LRRFIP1: variants seen among roughly 807,000 people sequenced by gnomAD.
The protein encoded by LRRFIP1 is LRR binding FLII interacting protein 1.
In LRRFIP1, 62 loss-of-function variants were observed where a neutral mutation model predicts 104.4. That is an observed-to-expected ratio of 0.59 (90% CI 0.48 to 0.73). The LOEUF (loss-of-function observed/expected upper bound fraction) is 0.73, where lower values mean the gene tolerates loss of function less well. Among genes scored for constraint, LRRFIP1 ranks in the 30% least tolerant of loss-of-function variants. LRRFIP1 has a pLI of 0.00. For missense variants in LRRFIP1, 796 were observed against 824.5 expected, an observed-to-expected ratio of 0.97 and a Z score of 0.42; for synonymous variants, 300 against 299.0, an observed-to-expected ratio of 1.00 and a Z score of -0.03.
chr2:237,767,313 C>T (rs1287861014), intron 19 of LRRFIP1, among the ~76,000 whole-genome samples: 8 of 152,192 alleles, frequency 5.3e-5, no homozygotes, highest in Non-Finnish European at 1.5e-5. Context: ...AGGTTGCCTG[C>T]CAGCCATATC....
At position 237,759,942 on chromosome 2, in the gene LRRFIP1, G is replaced by T. The variant is rs985028473; in HGVS notation, c.1318-122G>T. ...AGTGCTGCACCCTAGCATTTCTCTT[G>T]TCTCTGTGGAGTTACCCTGTACTTC... On this transcript the variant is annotated intron_variant, in intron 18 of 23. Coordinates refer to ENST00000308482, the MANE Select transcript of LRRFIP1 (RefSeq NM_001137550.2). 5 of 811,122 alleles carry T rather than the reference G, an allele frequency of 6.2e-6. No homozygotes were observed. The African/African-American group carries it at 7.0e-5, about 11-fold the overall frequency. 50.2% of individuals were successfully genotyped at this position (811,122 alleles called of 1,614,324 possible).
intron 1 of LRRFIP1, among the ~76,000 whole-genome samples, chr2:237,638,319 C>T (rs1242770914): frequency 2.6e-5 from 4 of 152,148 alleles, no homozygotes; most frequent in Non-Finnish European, 5.9e-5. Flanking sequence ...GTTTCGCACT[C>T]TTAAGAGAAT....
intron 1 of LRRFIP1, among the ~76,000 whole-genome samples, chr2:237,659,537 A>C (rs1400201785): frequency 6.7e-6 from 1 of 150,088 alleles, no homozygotes; most frequent in East Asian, 1.9e-4. Context: ...AACAACAAGA[A>C]GAAATCAATT....
chr2:237,772,804 A>C, intron 21 of LRRFIP1, 62 bp from the exon 22 acceptor site: 1 of 1,115,810 alleles, frequency 9.0e-7, no homozygotes, highest in Non-Finnish European at 1.4e-6. Flanking sequence ...CCCAGTAACT[A>C]TTGTTTTAAT....
intron 10 of LRRFIP1, among the ~76,000 whole-genome samples, 178 bp from the exon 11 acceptor site, chr2:237,739,054 G>A (rs56045303): frequency 2.0e-4 from 30 of 152,300 alleles, no homozygotes; most frequent in Admixed American, 3.3e-4. Context: ...TATTCTTAGC[G>A]AGCACTGATT....
chr2:237,690,763 G>T (rs2092705483), intron 1 of LRRFIP1, among the ~76,000 whole-genome samples: 1 of 151,378 alleles, frequency 6.6e-6, no homozygotes, highest in Non-Finnish European at 1.5e-5. Context: ...AAGAAAGAAA[G>T]AATTGTTATA....
chr2:237,714,886 CA>C (rs2094263531), intron 3 of LRRFIP1, among the ~76,000 whole-genome samples: 1 of 152,166 alleles, frequency 6.6e-6, no homozygotes. Context: ...CAAGATCTAG[CA>C]AAAATGAAGT....
intron 1 of LRRFIP1, among the ~76,000 whole-genome samples, chr2:237,639,034 T>G (rs1340685868): frequency 6.6e-6 from 1 of 152,182 alleles, no homozygotes; most frequent in East Asian, 1.9e-4. Context: ...AATGCTATCG[T>G]GTGGGGCAGT....
intron 20 of LRRFIP1, 61 bp from the exon 21 acceptor site, chr2:237,772,020 C>T (rs200273576): frequency 4.1e-6 from 5 of 1,220,018 alleles, no homozygotes; most frequent in Non-Finnish European, 6.0e-6. Context: ...GCTCTAACTT[C>T]AGCTTTTCGG....
At chr2:237,644,506 A>G (rs769701799) in intron 1 of LRRFIP1, among the ~76,000 whole-genome samples, 3 of 152,218 alleles carry the variant, frequency 2.0e-5, no homozygotes, top group Non-Finnish European at 4.4e-5. Context: ...GAGGAGAGTT[A>G]CGCTGGTGTT....
At chr2:237,736,305 G>A (rs1326911483) in intron 10 of LRRFIP1, among the ~76,000 whole-genome samples, 2 of 152,150 alleles carry the variant, frequency 1.3e-5, no homozygotes, top group African/African-American at 4.8e-5. Flanking sequence ...TACATAAGTT[G>A]TTCAGTATTT....
Position 237,741,685 on chromosome 2 carries a change from G to A in LRRFIP1, c.633+2376G>A, listed in dbSNP as rs150124224. Reference sequence around the variant, plus strand: ...TCTACTAAAAATACAAAAATTAGCCGGGTGTAGTGGCGCATGCCTGTAATC... The same window carrying A: ...TCTACTAAAAATACAAAAATTAGCCAGGTGTAGTGGCGCATGCCTGTAATC... On this transcript the variant is annotated intron_variant, in intron 11 of 23. Transcript: ENST00000308482. 8.2e-3 allele frequency among the ~76,000 whole-genome samples: 1,246 copies of A among 152,058 alleles called. 23 individuals carry two copies. The highest frequency in any genetic ancestry group is 0.028 in the African/African-American group (1,173 of 41,478).
rs114432341 is a variant in LRRFIP1 at position 237,661,485 on chromosome 2, C to T, written c.96+33745C>T. Among the ~76,000 whole-genome samples, 2,429 of 152,290 alleles carry T rather than the reference C, an allele frequency of 0.016. 57 individuals are homozygous for T. The highest frequency in any genetic ancestry group is 0.056 in the African/African-American group (2,313 of 41,546). On this transcript the variant is annotated intron_variant, in intron 1 of 23. Coordinates refer to ENST00000308482, the MANE Select transcript of LRRFIP1 (RefSeq NM_001137550.2). The surrounding 1 kb of genome is among the most constrained non-coding windows in gnomAD (Gnocchi z 4.4). ...CCTCCCCAGACTCCCTCCTTCCTTCCAGATGTGAGCAAATCCCTTTCCTTC... is the reference window on the plus strand; with the variant it reads ...CCTCCCCAGACTCCCTCCTTCCTTCTAGATGTGAGCAAATCCCTTTCCTTC...
rs1487795341 is a variant in LRRFIP1 at position 237,749,202 on chromosome 2, T to C, written c.673T>C (p.Ser225Pro). 1 of 1,612,656 alleles carries C rather than the reference T, an allele frequency of 6.2e-7. No individual in the cohort carries two copies. Among genetic ancestry groups the C allele is most frequent in the Admixed American group, 1.7e-5 (1 of 59,916 alleles). The part of the protein sequence containing the change: ...RPEKDFTEKG[S>P]RNMPGLSAAT... The stretch of plus-strand genomic sequence containing the variant: ...TGTGATCCTCTCAACGTTCCAGGGG[T>C]CTCGTAACATGCCGGGCCTGTCTGC... Residue 225 changes from serine to proline, a missense_variant, in exon 13 of 24, where the codon TCT (serine) becomes CCT (proline). Ser to Pro is a moderately conservative substitution (Grantham distance 74, BLOSUM62 -1). Coordinates refer to ENST00000308482, the MANE Select transcript of LRRFIP1 (RefSeq NM_001137550.2).
intron 1 of LRRFIP1, among the ~76,000 whole-genome samples, chr2:237,650,665 C>A (rs1436605656): frequency 6.6e-6 from 1 of 152,200 alleles, no homozygotes; most frequent in Non-Finnish European, 1.5e-5. Flanking sequence ...GGCACAGTGA[C>A]CGCAGGAGAG....
At chr2:237,767,455 T>G (rs1402523223) in intron 19 of LRRFIP1, among the ~76,000 whole-genome samples, 1 of 152,196 alleles carries the variant, frequency 6.6e-6, no homozygotes, top group Non-Finnish European at 1.5e-5. Flanking sequence ...CGTATATAAA[T>G]GTAAATCTTC....
At chr2:237,756,539 A>G (rs926613812) in intron 16 of LRRFIP1, among the ~76,000 whole-genome samples, 1 of 152,224 alleles carries the variant, frequency 6.6e-6, no homozygotes, top group Non-Finnish European at 1.5e-5. Context: ...TAAAAACCCT[A>G]TCTCCAAATA....
intron 10 of LRRFIP1, among the ~76,000 whole-genome samples, chr2:237,737,113 G>A (rs192895394): frequency 3.9e-5 from 6 of 152,308 alleles, no homozygotes; most frequent in Admixed American, 2.6e-4. Flanking sequence ...TGCCCCTGGA[G>A]GACCAGGAAT....
chr2:237,736,977 G>A (rs2095269339), intron 10 of LRRFIP1, among the ~76,000 whole-genome samples: 2 of 152,082 alleles, frequency 1.3e-5, no homozygotes, highest in Non-Finnish European at 1.5e-5. Flanking sequence ...TATGGCCCAG[G>A]ACGGTGTCCA....
Sources: allele counts gnomAD v4.1 joint callset (sites outside exome capture counted in the v4.1 genomes callset), GRCh38; gene constraint gnomAD v4.1.1; non-coding constraint Gnocchi (gnomAD v3.1); transcripts MANE v1.5; gene names NCBI Gene and HGNC (gene_info 2026-07-23, HGNC 2026-07-21).